Variants in LOXHD1 observed in about 807,000 individuals in gnomAD.
LOXHD1 encodes lipoxygenase homology domain-containing protein 1.
LOXHD1 carries 205 observed loss-of-function variants against 248.2 expected under a neutral mutation model. The observed-to-expected ratio is 0.83, with a 90% confidence interval of 0.74 to 0.93. The LOEUF is 0.93. Ranked by LOEUF, LOXHD1 falls within the 40% of genes least tolerant of loss-of-function variation. LOXHD1 has a pLI of 0.00. For synonymous variants in LOXHD1, 1,113 were observed against 1,162.8 expected, an observed-to-expected ratio of 0.96 and a Z score of 0.87; for missense variants, 2,930 against 2,971.6, an observed-to-expected ratio of 0.99 and a Z score of 0.33.
chr18:46,515,444 C>G (rs919225667), intron 34 of LOXHD1, among the ~76,000 whole-genome samples: 1 of 152,020 alleles, frequency 6.6e-6, no homozygotes, highest in Non-Finnish European at 1.5e-5. Context: ...GATGGCTCCC[C>G]TCACAAAATA....
At chr18:46,517,777 T>C (rs779197618) in intron 34 of LOXHD1, among the ~76,000 whole-genome samples, 5 of 152,248 alleles carry the variant, frequency 3.3e-5, no homozygotes, top group Non-Finnish European at 5.9e-5. Context: ...CTAGCTCTCC[T>C]TAATGTTAAC....
intron 8 of LOXHD1, among the ~76,000 whole-genome samples, chr18:46,600,617 AAG>A (rs2038320836): frequency 6.7e-6 from 1 of 148,942 alleles, no homozygotes; most frequent in Non-Finnish European, 1.5e-5. Flanking sequence ...GGAAGGAAGG[AAG>A]GAAGGAAGGG....
In LOXHD1 at chr18:46,579,908, C is replaced by T. The variant is rs73431116; in HGVS notation, c.1655-124G>A. On this transcript the variant is annotated intron_variant, in intron 12 of 40. Transcript: ENST00000642948. ...CTAGTTCTCATCTGGGCTGACCTTC[C>T]CCCTTCCTCCCAACTATCTAAATCC... The T allele has an allele frequency of 4.4e-6, 5 of 1,133,826 alleles. No homozygotes were observed. The African/African-American group carries it at 6.3e-5, about 14-fold the overall frequency. 70.2% of individuals were successfully genotyped at this position (1,133,826 alleles called of 1,614,324 possible). A position where few individuals can be genotyped will look rare whatever the true frequency, so the allele number is the denominator to read the frequency against.
intron 6 of LOXHD1, among the ~76,000 whole-genome samples, chr18:46,610,402 G>A (rs1371682986): frequency 7.3e-4 from 107 of 147,122 alleles, no homozygotes; most frequent in Admixed American, 8.8e-4. Context: ...GCCTGTCGGG[G>A]GCTGGGGGGC....
At chr18:46,551,131 C>G (rs11664806) in intron 21 of LOXHD1, among the ~76,000 whole-genome samples, 85,329 of 147,528 alleles carry the variant, frequency 0.58, 26,515 homozygotes, top group Non-Finnish European at 0.7. Context: ...GAGACAGAGT[C>G]TCGCTCTGTC....
intron 1 of LOXHD1, 134 bp from the exon 2 acceptor site, chr18:46,649,403 G>C: frequency 2.9e-6 from 2 of 685,916 alleles, no homozygotes; most frequent in Non-Finnish European, 5.0e-6. Flanking sequence ...CATCCTGTAG[G>C]CCTCTGAGCC....
rs541903327 is a variant in LOXHD1 at position 46,489,061 on chromosome 18, C to T, written c.5960G>A (p.Cys1987Tyr). Residue 1987 changes from cysteine to tyrosine, a missense_variant, in exon 38 of 41, where the codon TGC (cysteine) becomes TAC (tyrosine). Physicochemically the swap from Cys to Tyr is radical, Grantham distance 194 (BLOSUM62 -2). Coordinates refer to ENST00000642948, the MANE Select transcript of LOXHD1 (RefSeq NM_001384474.1). ...GTCACCCTCACTCTTGGAGAGCCAG[C>T]AGTCACACTGGAAGTGGAAGGTCTC... ...RDETFHFQCD[C>Y]WLSKSEGDGQ... 1.3e-6 allele frequency: 2 copies of T among 1,551,726 alleles called. No individual in the cohort carries two copies. Among genetic ancestry groups the T allele is most frequent in the South Asian group, 2.4e-5 (2 of 84,064 alleles).
intron 37 of LOXHD1, among the ~76,000 whole-genome samples, chr18:46,489,351 C>T (rs1270502694): frequency 6.6e-6 from 1 of 152,124 alleles, no homozygotes; most frequent in Non-Finnish European, 1.5e-5. Context: ...TTCTGCAAAG[C>T]CCTTAACTTT....
chr18:46,523,711 C>T (rs1419757758), intron 31 of LOXHD1, among the ~76,000 whole-genome samples: 1 of 151,710 alleles, frequency 6.6e-6, no homozygotes, highest in Non-Finnish European at 1.5e-5. Context: ...TTGCACATGG[C>T]CTTATTTTAT....
At chr18:46,550,044 T>C (rs992411916) in intron 21 of LOXHD1, among the ~76,000 whole-genome samples, 7 of 152,188 alleles carry the variant, frequency 4.6e-5, no homozygotes, top group Non-Finnish European at 8.8e-5. Flanking sequence ...ACAATCTCAT[T>C]TAATCAACAA....
chr18:46,504,224 G>C (rs920217360), intron 37 of LOXHD1, among the ~76,000 whole-genome samples: 3 of 152,112 alleles, frequency 2.0e-5, no homozygotes, highest in Non-Finnish European at 2.9e-5. Flanking sequence ...TCTCATCTCA[G>C]CCTCCTCAGT....
intron 37 of LOXHD1, among the ~76,000 whole-genome samples, chr18:46,491,938 C>G (rs1353841350): frequency 6.6e-6 from 1 of 152,208 alleles, no homozygotes; most frequent in East Asian, 1.9e-4. Flanking sequence ...CAAAAATTGG[C>G]ATTGTCTGAC....
intron 5 of LOXHD1, among the ~76,000 whole-genome samples, chr18:46,616,918 T>G (rs1599052542): frequency 6.6e-6 from 1 of 152,248 alleles, no homozygotes; most frequent in African/African-American, 2.4e-5. Context: ...CCACAATGTA[T>G]CTAATTATCT....
chr18:46,534,526 C>G (rs1433136524), intron 26 of LOXHD1, 75 bp from the exon 27 acceptor site: 3 of 1,100,240 alleles, frequency 2.7e-6, no homozygotes, highest in Non-Finnish European at 1.4e-6. Context: ...CATCCTGCTT[C>G]CCCAGGGCAT....
At chr18:46,620,061 G>A (rs1478850103) in intron 4 of LOXHD1, among the ~76,000 whole-genome samples, 5 of 152,230 alleles carry the variant, frequency 3.3e-5, no homozygotes, top group Non-Finnish European at 7.3e-5. Context: ...CACCTGGCAG[G>A]TGTTAAACGG....
In LOXHD1 at chr18:46,541,815, G is replaced by A. The variant is rs200792636; in HGVS notation, c.3874C>T (p.Leu1292Phe). ...NEDDGSIIRD[L>F]FHAELQTRLY... The stretch of plus-strand genomic sequence containing the variant: ...CTCGTCTGAAGCTCTGCATGGAAGA[G>A]GTCTCTGATGATGGACCCGTCGTCT... Residue 1292 changes from leucine (L) to phenylalanine (F), a missense_variant, in exon 25 of 41, where the codon CTC becomes TTC. Transcript: ENST00000642948. 683 of 1,551,632 alleles carry A rather than the reference G, an allele frequency of 4.4e-4. No individual in the cohort carries two copies. Among genetic ancestry groups the A allele is most frequent in the Non-Finnish European group, 5.2e-4 (598 of 1,147,012 alleles).
intron 5 of LOXHD1, among the ~76,000 whole-genome samples, chr18:46,614,668 G>C (rs1805895859): frequency 6.6e-6 from 1 of 151,624 alleles, no homozygotes. Flanking sequence ...TGTATACATA[G>C]GTAACAAACC....
At chr18:46,595,951 G>C (rs1308369129) in intron 8 of LOXHD1, among the ~76,000 whole-genome samples, 1 of 152,096 alleles carries the variant, frequency 6.6e-6, no homozygotes, top group Non-Finnish European at 1.5e-5. Flanking sequence ...TGGGTTCCCT[G>C]AACATGGTTC....
chr18:46,499,992 A>G (rs1017059570), intron 37 of LOXHD1, among the ~76,000 whole-genome samples: 2 of 152,154 alleles, frequency 1.3e-5, no homozygotes, highest in African/African-American at 4.8e-5. Context: ...CCAGTGAACA[A>G]TCTTCAGCAT....
Sources: gnomAD v4.1 joint callset for allele counts (sites outside exome capture counted in the v4.1 genomes callset) on GRCh38, gnomAD v4.1.1 for gene constraint, MANE v1.5 for transcripts, NCBI Gene and HGNC (gene_info 2026-07-23, HGNC 2026-07-21) for gene names.